The following STK32C variants were observed in gnomAD, a reference collection of about 807,000 sequenced individuals.
The protein encoded by STK32C is serine/threonine-protein kinase 32C.
Under a neutral mutation model 56.5 loss-of-function variants are expected in STK32C, and 31 were observed. That is an observed-to-expected ratio of 0.55 (90% CI 0.41 to 0.74). The LOEUF is 0.74. Among genes scored for constraint, STK32C ranks in the 30% least tolerant of loss-of-function variants. STK32C has a pLI of 0.00. For missense variants in STK32C, 544 were observed against 676.9 expected (o/e 0.80, Z 2.18); for synonymous variants, 309 against 289.4 (o/e 1.07, Z -0.69).
chr10:132,279,328 T>C (rs901489814), intron 1 of STK32C, among the ~76,000 whole-genome samples: 5 of 152,104 alleles, frequency 3.3e-5, no homozygotes, highest in African/African-American at 7.3e-5. Context: ...ACAAACTAGG[T>C]GGAGCGGCGT....
chr10:132,275,549 C>A (rs1365199353), intron 1 of STK32C, among the ~76,000 whole-genome samples: 2 of 152,326 alleles, frequency 1.3e-5, no homozygotes, highest in Middle Eastern at 3.4e-3. Context: ...GTCTCAGTGC[C>A]CGCTCTTCCT....
chr10:132,248,511 G>A (rs979796185), intron 1 of STK32C, among the ~76,000 whole-genome samples: 11 of 152,246 alleles, frequency 7.2e-5, no homozygotes, highest in Non-Finnish European at 4.4e-5. Flanking sequence ...CCAGGCCCAG[G>A]TTGCCGCTGC....
intron 1 of STK32C, among the ~76,000 whole-genome samples, chr10:132,261,750 G>A (rs1475635388): frequency 6.6e-6 from 1 of 152,118 alleles, no homozygotes; most frequent in Non-Finnish European, 1.5e-5. Context: ...GGGCAACGGA[G>A]AGACAGTCTG....
chr10:132,222,975 C>T lies in STK32C; in HGVS notation c.1005G>A (p.Val335=). The T allele has an allele frequency of 6.4e-7, 1 of 1,550,482 alleles. No homozygotes were observed. Residue 335 remains valine, a synonymous_variant, in exon 9 of 12, where the codon GTG becomes GTA. Transcript: ENST00000298630. ...MVALLRKLLT[V]NPEHRLSSLQ... is the part of the protein sequence containing the mutation. ...GGCTGGAGAGCCGGTGCTCGGGGTT[C>T]ACAGTGAGGAGCTGCAACCAGGCAT...
At chr10:132,215,100 C>T (rs1007365483) in intron 10 of STK32C, among the ~76,000 whole-genome samples, 2 of 152,128 alleles carry the variant, frequency 1.3e-5, no homozygotes, top group Non-Finnish European at 2.9e-5. Flanking sequence ...CTTACTGCAG[C>T]CTTGAACTCC....
chr10:132,285,219 A>G (rs1221371841), intron 1 of STK32C, among the ~76,000 whole-genome samples: 1 of 151,584 alleles, frequency 6.6e-6, no homozygotes, highest in Non-Finnish European at 1.5e-5. Context: ...GCATGAACCC[A>G]GAACACATTC....
intron 10 of STK32C, among the ~76,000 whole-genome samples, chr10:132,210,163 C>T (rs780296878): frequency 3.9e-5 from 6 of 152,242 alleles, no homozygotes; most frequent in Non-Finnish European, 7.3e-5. Context: ...TCACCCGAGA[C>T]GGACAACAGC....
Position 132,307,892 on chromosome 10 carries a change from G to A in STK32C, c.-59C>T. ...CGGGGCATGGCCGGCCGGCAGGGCC[G>A]GGAGCGGCAGTGGTAGCGGGAGCGC... On this transcript the variant is annotated 5_prime_UTR_variant, in exon 1 of 12. Coordinates refer to ENST00000298630, the MANE Select transcript of STK32C (RefSeq NM_173575.4). The surrounding 1 kb of genome is among the most constrained non-coding windows in gnomAD (Gnocchi z 4.4). 2 of 1,132,382 alleles carry A rather than the reference G, an allele frequency of 1.8e-6. No individual in the cohort carries two copies. Among genetic ancestry groups the A allele is most frequent in the Non-Finnish European group, 2.2e-6 (2 of 919,272 alleles). 70.1% of individuals were successfully genotyped at this position (1,132,382 alleles called of 1,614,324 possible).
intron 2 of STK32C, among the ~76,000 whole-genome samples, chr10:132,245,699 G>A (rs111406764): frequency 2.0e-5 from 3 of 152,252 alleles, no homozygotes; most frequent in African/African-American, 7.2e-5. Context: ...ACACCATGGG[G>A]CCCAGTCTGA....
chr10:132,246,413 A>G (rs373363389), intron 1 of STK32C, among the ~76,000 whole-genome samples: 49 of 152,318 alleles, frequency 3.2e-4, no homozygotes, highest in Middle Eastern at 3.4e-3. Flanking sequence ...CCGCGTCTCC[A>G]GAGGACAGGG....
intron 10 of STK32C, among the ~76,000 whole-genome samples, chr10:132,213,452 C>T (rs557734876): frequency 9.1e-4 from 138 of 152,314 alleles, no homozygotes; most frequent in Non-Finnish European, 2.5e-4. Flanking sequence ...AAGGGCAACC[C>T]GGGAAATGAA....
intron 11 of STK32C, among the ~76,000 whole-genome samples, 197 bp from the exon 12 acceptor site, chr10:132,208,348 A>C (rs1266638470): frequency 6.6e-6 from 1 of 152,178 alleles, no homozygotes; most frequent in African/African-American, 2.4e-5. Flanking sequence ...GCACGTGAGC[A>C]TGCTGGCGAG....
chr10:132,221,348 C>A lies in STK32C; in HGVS notation c.1251+1293G>T, dbSNP rs560722582. Among the ~76,000 whole-genome samples the A allele has an allele frequency of 2.3e-4, 34 of 149,530 alleles. No homozygotes were observed. The South Asian group carries it at 4.3e-3, about 19-fold the overall frequency. ...CACACACACAACTGATGCTGACGCA[C>A]CTGGGCGAGTGTGAGGGCTTCACAT... is the stretch of plus-strand genomic sequence containing the variant. On this transcript the variant is annotated intron_variant, in intron 10 of 11. Transcript: ENST00000298630.
chr10:132,272,704 G>T (rs12267079), intron 1 of STK32C, among the ~76,000 whole-genome samples: 1 of 152,038 alleles, frequency 6.6e-6, no homozygotes, highest in South Asian at 2.1e-4. Flanking sequence ...CTCCACCCTC[G>T]CCCTAGAATC....
At chr10:132,228,336 T>A (rs948684669) in intron 2 of STK32C, 32 of 641,984 alleles carry the variant, frequency 5.0e-5, no homozygotes, top group Non-Finnish European at 7.5e-5. Context: ...GGGATTAAGA[T>A]GTGGGTGTTT....
chr10:132,271,438 G>A (rs2064819216), intron 1 of STK32C, among the ~76,000 whole-genome samples: 6 of 152,218 alleles, frequency 3.9e-5, no homozygotes, highest in African/African-American at 1.4e-4. Flanking sequence ...TGTCCCAACA[G>A]TGTGGGCCCG....
Position 132,226,982 on chromosome 10 carries a change from T to C in STK32C, c.471-14A>G, listed in dbSNP as rs761130943. The C allele has an allele frequency of 6.8e-6, 11 of 1,612,648 alleles. No homozygotes were observed. Among genetic ancestry groups the C allele is most frequent in the African/African-American group, 1.3e-5 (1 of 74,930 alleles). Reference sequence around the variant, plus strand: ...TGGAAGGAGTACCTGTGGGCACCGATGGAAGGCCTGTTGTGCGCACAGCTG... The same window carrying C: ...TGGAAGGAGTACCTGTGGGCACCGACGGAAGGCCTGTTGTGCGCACAGCTG... On this transcript the variant is annotated splice_polypyrimidine_tract_variant and intron_variant, in intron 3 of 11. Transcript: ENST00000298630.
intron 1 of STK32C, among the ~76,000 whole-genome samples, chr10:132,288,921 TTGGCAGGCTTC>T (rs1325600946): frequency 9.9e-5 from 15 of 152,212 alleles, no homozygotes; most frequent in African/African-American, 3.6e-4. Context: ...AATCAACATC[TTGGCAGGCTTC>T]TGTACATATA....
rs566735327 is a variant in STK32C at position 132,276,374 on chromosome 10, G to A, written c.263-30419C>T. Among the ~76,000 whole-genome samples, 24 of 152,312 alleles carry A rather than the reference G, an allele frequency of 1.6e-4. No individual in the cohort carries two copies. The Middle Eastern group carries it at 0.014, about 86-fold the overall frequency. On this transcript the variant is annotated intron_variant, in intron 1 of 11. Transcript: ENST00000298630. ...GCACTGGGCACTGGAACAGGGTCAG[G>A]GTCAGCACCTGTGCCAGCTACACGG...
Sources: gnomAD v4.1 joint callset for allele counts (sites outside exome capture counted in the v4.1 genomes callset) on GRCh38, gnomAD v4.1.1 for gene constraint, Gnocchi (gnomAD v3.1) non-coding constraint, MANE v1.5 for transcripts, NCBI Gene and HGNC (gene_info 2026-07-23, HGNC 2026-07-21) for gene names.